Variants in SHTN1 observed in about 807,000 individuals in gnomAD.
SHTN1 encodes the protein shootin-1.
A neutral mutation model predicts 83.1 loss-of-function variants in SHTN1; 42 were observed. The ratio of observed to expected loss-of-function variants is 0.51; its 90% CI spans 0.39 to 0.65. The LOEUF (loss-of-function observed/expected upper bound fraction) is 0.65, where lower values mean the gene tolerates loss of function less well. SHTN1 is among the 30% of genes least tolerant of loss of function. SHTN1 has a pLI of 0.00. For missense variants in SHTN1, 622 were observed against 737.8 expected (o/e 0.84, Z 1.82); for synonymous variants, 224 against 247.7 (o/e 0.90, Z 0.90).
intron 16 of SHTN1, among the ~76,000 whole-genome samples, chr10:116,898,064 AT>A (rs779286952): frequency 2.6e-5 from 4 of 152,214 alleles, no homozygotes; most frequent in Non-Finnish European, 5.9e-5. Context: ...GTGGTGGCTC[AT>A]CCCTGTAATC....
chr10:117,020,067 C>G (rs1054720769), intron 2 of SHTN1, among the ~76,000 whole-genome samples: 28 of 151,862 alleles, frequency 1.8e-4, no homozygotes, highest in African/African-American at 6.8e-4. Flanking sequence ...GGCAACAGAT[C>G]TAGAATAACC....
At position 116,937,947 on chromosome 10, in the gene SHTN1, A is replaced by G. The variant is rs532439683; in HGVS notation, c.858+2519T>C. Among the ~76,000 whole-genome samples the G allele has an allele frequency of 7.2e-4, 108 of 150,922 alleles. 2 individuals are homozygous for G. In the South Asian group the frequency reaches 0.022, roughly 30 times the overall value. ...TCTCTGATATCTTGTCTTCTGCTTG[A>G]TCGATTCGGCTATTGATACTTATGT... is the stretch of plus-strand genomic sequence containing the variant. On this transcript the variant is annotated intron_variant, in intron 9 of 16. Transcript: ENST00000355371.
chr10:116,976,601 C>T (rs1008436065), intron 2 of SHTN1, among the ~76,000 whole-genome samples: 1 of 152,186 alleles, frequency 6.6e-6, no homozygotes, highest in African/African-American at 2.4e-5. Context: ...ACAAAGCTCA[C>T]CCAGCCAGGC....
chr10:116,920,692 C>T (rs1453988684), intron 12 of SHTN1, among the ~76,000 whole-genome samples: 1 of 152,104 alleles, frequency 6.6e-6, no homozygotes, highest in Non-Finnish European at 1.5e-5. Context: ...GAACCTTGAC[C>T]TTGACCTCCA....
At chr10:117,003,801 T>G (rs1472626806) in intron 1 of SHTN1, among the ~76,000 whole-genome samples, 1 of 152,252 alleles carries the variant, frequency 6.6e-6, no homozygotes, top group African/African-American at 2.4e-5. Flanking sequence ...TACATGGTCT[T>G]GTCAGCAAGA....
At chr10:117,054,575 T>A (rs1852800432) in intron 1 of SHTN1, among the ~76,000 whole-genome samples, 1 of 151,898 alleles carries the variant, frequency 6.6e-6, no homozygotes, top group Non-Finnish European at 1.5e-5. Context: ...CTGGCTAATT[T>A]TTTTAATATT....
chr10:116,981,532 T>C (rs1024004749), intron 1 of SHTN1, among the ~76,000 whole-genome samples: 3 of 152,148 alleles, frequency 2.0e-5, no homozygotes, highest in Non-Finnish European at 4.4e-5. Flanking sequence ...TCTAAAAATA[T>C]TCACTTACAC....
intron 2 of SHTN1, among the ~76,000 whole-genome samples, chr10:116,975,967 C>G (rs1311455842): frequency 6.6e-6 from 1 of 152,162 alleles, no homozygotes; most frequent in Non-Finnish European, 1.5e-5. Flanking sequence ...AAAACTCATG[C>G]ACTAACAATA....
rs1225835775 is a variant in SHTN1, at chr10:116,981,311, ACT to A, written c.59-2005_59-2004del. Among the ~76,000 whole-genome samples the A allele has an allele frequency of 9.9e-5, 15 of 152,252 alleles. No individual in the cohort carries two copies. The East Asian group carries it at 2.5e-3, about 25-fold the overall frequency. ...ACTCCAACCTGGGCGACAGAGCGAGACTCTGTCTCAAAAACAAAACGAAACAA... is the reference window on the plus strand; with the variant it reads ...ACTCCAACCTGGGCGACAGAGCGAGACTGTCTCAAAAACAAAACGAAACAA... On this transcript the variant is annotated intron_variant, in intron 1 of 16. Transcript: ENST00000355371.
intron 1 of SHTN1, among the ~76,000 whole-genome samples, chr10:117,058,305 T>C (rs942170797): frequency 2.6e-5 from 4 of 152,122 alleles, no homozygotes; most frequent in Non-Finnish European, 4.4e-5. Context: ...CCAGACTATA[T>C]AGAGATCTCC....
At chr10:116,974,377 C>A (rs1850718369) in intron 2 of SHTN1, among the ~76,000 whole-genome samples, 1 of 152,136 alleles carries the variant, frequency 6.6e-6, no homozygotes, top group African/African-American at 2.4e-5. Flanking sequence ...ATATCTTGCT[C>A]TTTAAAGTGG....
intron 1 of SHTN1, among the ~76,000 whole-genome samples, chr10:117,085,918 A>ATTTTTTTTTTTTTTTTTTTTTTTTTTGTT (rs35586223): frequency 8.3e-6 from 1 of 121,108 alleles, no homozygotes; most frequent in African/African-American, 3.2e-5. Flanking sequence ...GCTTTGTCTG[A>ATTTTTTTTTTTTTTTTTTTTTTTTTTGTT]TTTTTTTTTT....
chr10:116,927,721 T>C, intron 11 of SHTN1, 71 bp downstream of exon 11: 1 of 1,422,618 alleles, frequency 7.0e-7, no homozygotes, highest in Non-Finnish European at 9.2e-7. Flanking sequence ...GCTTTTAAGA[T>C]GACTCCTCTT....
At chr10:117,102,005 A>AG in intron 1 of SHTN1, among the ~76,000 whole-genome samples, 1 of 150,744 alleles carries the variant, frequency 6.6e-6, no homozygotes, top group Admixed American at 6.7e-5. Context: ...CTGTGAGGAC[A>AG]GAAAAAAAAA....
chr10:116,979,264 T>A lies in SHTN1; in HGVS notation c.103A>T (p.Lys35Ter). 1 of 1,613,860 alleles carries A rather than the reference T, an allele frequency of 6.2e-7. No homozygotes were observed. The highest frequency in any genetic ancestry group is 1.6e-4 in the Middle Eastern group (1 of 6,062). The change falls in exon 2 of 17, where the codon AAG (lysine) becomes TAG (stop). Residue 35 changes from lysine to a stop codon, truncating the protein, a stop_gained. Coordinates refer to ENST00000355371, the MANE Select transcript of SHTN1 (RefSeq NM_001127211.3). LOFTEE classifies it high-confidence loss of function. ...EDLRAENQKT[K>*]EKCDKIRQER... ...AAAGGTAAAGTACAAACCTTCTCCT[T>A]TGTTTTCTGGTTCTCTGCTCTAAGG...
upstream of SHTN1, among the ~76,000 whole-genome samples, chr10:117,008,718 CAG>C (rs1467789367): frequency 1.3e-5 from 2 of 152,106 alleles, no homozygotes; most frequent in Admixed American, 1.3e-4. Flanking sequence ...TGGGAGAAAA[CAG>C]GGAATGGCTG....
Position 116,979,390 on chromosome 10 carries a change from T to C in SHTN1, c.59-82A>G, listed in dbSNP as rs139988709. ...ACCTGGGGAATCCAACTAACCCCCA[T>C]AGTCTTCTTACTAGGTTGAGGTAGG... On this transcript the variant is annotated intron_variant, in intron 1 of 16. Transcript: ENST00000355371. The C allele has an allele frequency of 2.3e-3, 2,470 of 1,071,586 alleles. 34 individuals are homozygous for C. In the African/African-American group the frequency reaches 0.033, roughly 14 times the overall value. 66.4% of individuals were successfully genotyped at this position (1,071,586 alleles called of 1,614,324 possible). A position where few individuals can be genotyped will look rare whatever the true frequency, so the allele number is the denominator to read the frequency against.
At chr10:117,101,195 T>A (rs1853586799) in intron 1 of SHTN1, among the ~76,000 whole-genome samples, 1 of 152,230 alleles carries the variant, frequency 6.6e-6, no homozygotes, top group Non-Finnish European at 1.5e-5. Flanking sequence ...TTGATTTTCT[T>A]TTCACTACAC....
At chr10:116,974,947 A>G (rs1164317695) in intron 2 of SHTN1, among the ~76,000 whole-genome samples, 1 of 152,212 alleles carries the variant, frequency 6.6e-6, no homozygotes, top group East Asian at 1.9e-4. Context: ...TACACAAGCA[A>G]AGTAAACCAT....
Sources: allele counts gnomAD v4.1 joint callset (sites outside exome capture counted in the v4.1 genomes callset), GRCh38; gene constraint gnomAD v4.1.1; transcripts MANE v1.5; gene names NCBI Gene and HGNC (gene_info 2026-07-23, HGNC 2026-07-21).